GUCY1A2: variants seen among roughly 807,000 people sequenced by gnomAD.
GUCY1A2 encodes guanylate cyclase 1 soluble subunit alpha 2, also known as guanylate cyclase soluble subunit alpha-2.
Under a neutral mutation model 63.5 loss-of-function variants are expected in GUCY1A2, and 27 were observed. The ratio of observed to expected loss-of-function variants is 0.43; its 90% confidence interval spans 0.31 to 0.59. The LOEUF (loss-of-function observed/expected upper bound fraction) is 0.59. GUCY1A2 is among the 20% of genes least tolerant of loss of function. GUCY1A2 has a pLI of 0.11. For synonymous variants in GUCY1A2, 364 were observed against 343.5 expected, an observed-to-expected ratio of 1.06 and a Z score of -0.66; for missense variants, 768 against 913.3, an observed-to-expected ratio of 0.84 and a Z score of 2.05.
At chr11:106,736,304 G>A (rs181520162) in intron 6 of GUCY1A2, among the ~76,000 whole-genome samples, 2 of 152,194 alleles carry the variant, frequency 1.3e-5, no homozygotes, top group East Asian at 3.9e-4. Flanking sequence ...TTGATTTGAT[G>A]TGCCTATGGT....
intron 3 of GUCY1A2, among the ~76,000 whole-genome samples, chr11:106,970,647 G>C (rs1012037531): frequency 6.6e-6 from 1 of 152,102 alleles, no homozygotes; most frequent in Non-Finnish European, 1.5e-5. Flanking sequence ...AAGGCAAATG[G>C]CTCAGCCACT....
intron 5 of GUCY1A2, among the ~76,000 whole-genome samples, chr11:106,777,825 A>ATAAT (rs1270864218): frequency 2.0e-5 from 3 of 152,160 alleles, no homozygotes; most frequent in African/African-American, 7.2e-5. Flanking sequence ...AACCTAAAGT[A>ATAAT]TAATTTTTAA....
At chr11:106,977,030 A>G (rs1266872327) in intron 3 of GUCY1A2, among the ~76,000 whole-genome samples, 3 of 152,186 alleles carry the variant, frequency 2.0e-5, no homozygotes, top group Non-Finnish European at 4.4e-5. Context: ...TATAATCATT[A>G]TCTTTGAACA....
At chr11:107,014,245 T>C (rs1209836769) in intron 1 of GUCY1A2, among the ~76,000 whole-genome samples, 1 of 152,118 alleles carries the variant, frequency 6.6e-6, no homozygotes, top group East Asian at 1.9e-4. Flanking sequence ...CACGCCACCA[T>C]GCCCAGCTAA....
chr11:106,944,353 G>A (rs1860797609), intron 3 of GUCY1A2, among the ~76,000 whole-genome samples: 1 of 151,992 alleles, frequency 6.6e-6, no homozygotes, highest in Admixed American at 6.6e-5. Flanking sequence ...GGCTGAGGTG[G>A]GAGAATCACC....
intron 6 of GUCY1A2, among the ~76,000 whole-genome samples, chr11:106,765,331 C>T (rs769300196): frequency 1.1e-4 from 16 of 151,998 alleles, no homozygotes; most frequent in Non-Finnish European, 5.9e-5. Context: ...TTCCTAAAAG[C>T]CTAACCCAAA....
intron 4 of GUCY1A2, among the ~76,000 whole-genome samples, chr11:106,896,329 A>G (rs903675440): frequency 2.6e-5 from 4 of 152,134 alleles, no homozygotes; most frequent in African/African-American, 9.6e-5. Flanking sequence ...TTAATAAAGA[A>G]TATCTACAAA....
At chr11:106,716,619 A>G (rs1215975302) in intron 6 of GUCY1A2, among the ~76,000 whole-genome samples, 2 of 151,942 alleles carry the variant, frequency 1.3e-5, no homozygotes, top group African/African-American at 4.8e-5. Context: ...TAGCAAAAAA[A>G]TTAGCTGAGC....
intron 4 of GUCY1A2, among the ~76,000 whole-genome samples, chr11:106,888,139 A>T (rs1252630819): frequency 1.3e-5 from 2 of 152,122 alleles, no homozygotes; most frequent in Admixed American, 1.3e-4. Context: ...TGTCTAAAAA[A>T]GTATTTTAAG....
At chr11:106,982,429 A>T (rs916199825) in intron 2 of GUCY1A2, among the ~76,000 whole-genome samples, 3 of 152,148 alleles carry the variant, frequency 2.0e-5, no homozygotes, top group Non-Finnish European at 4.4e-5. Flanking sequence ...AGCAACTAAC[A>T]TAAAGATGCA....
chr11:106,773,151 G>A (rs1372085393), intron 6 of GUCY1A2, among the ~76,000 whole-genome samples: 2 of 150,332 alleles, frequency 1.3e-5, no homozygotes, highest in Non-Finnish European at 2.9e-5. Flanking sequence ...TTCCCTCAGA[G>A]ATAAGCACCA....
At chr11:106,931,998 G>A (rs1860609344) in intron 4 of GUCY1A2, among the ~76,000 whole-genome samples, 1 of 151,786 alleles carries the variant, frequency 6.6e-6, no homozygotes, top group Non-Finnish European at 1.5e-5. Flanking sequence ...AAAATGAAGA[G>A]GTAGACAACA....
chr11:106,780,017 A>G (rs1290064377), intron 5 of GUCY1A2, among the ~76,000 whole-genome samples: 1 of 152,126 alleles, frequency 6.6e-6, no homozygotes, highest in East Asian at 1.9e-4. Context: ...CAATCTTTAC[A>G]AAAATAAAAA....
At chr11:106,737,830 G>T (rs901122262) in intron 6 of GUCY1A2, among the ~76,000 whole-genome samples, 1 of 152,108 alleles carries the variant, frequency 6.6e-6, no homozygotes, top group Non-Finnish European at 1.5e-5. Flanking sequence ...CCAAGACTTT[G>T]CTATTGTGAA....
intron 6 of GUCY1A2, among the ~76,000 whole-genome samples, chr11:106,715,202 TA>T (rs1239280996): frequency 1.3e-5 from 2 of 152,014 alleles, no homozygotes; most frequent in Admixed American, 1.3e-4. Flanking sequence ...ACAACTGCAT[TA>T]AAAAAAATTC....
chr11:106,753,265 T>C (rs1385887370), intron 6 of GUCY1A2, among the ~76,000 whole-genome samples: 1 of 152,224 alleles, frequency 6.6e-6, no homozygotes, highest in Non-Finnish European at 1.5e-5. Context: ...TTCTGGATAT[T>C]AGCCCTTTGT....
intron 3 of GUCY1A2, among the ~76,000 whole-genome samples, chr11:106,946,337 G>A (rs1260300315): frequency 6.6e-6 from 1 of 152,032 alleles, no homozygotes; most frequent in Non-Finnish European, 1.5e-5. Flanking sequence ...ATGTCAACAT[G>A]ATCAAAACAG....
chr11:106,687,229 T>C lies in GUCY1A2; in HGVS notation c.*320A>G. ...ATATATAGGGAAAGATACTTGTATGTGTGATAAACAAGAAAACATGGAATC... is the reference window on the plus strand; with the variant it reads ...ATATATAGGGAAAGATACTTGTATGCGTGATAAACAAGAAAACATGGAATC... On this transcript the variant is annotated 3_prime_UTR_variant, in exon 8 of 8. Transcript: ENST00000526355. The C allele has an allele frequency of 3.5e-6, 1 of 289,776 alleles. No individual in the cohort carries two copies. Among genetic ancestry groups the C allele is most frequent in the Non-Finnish European group, 6.5e-6 (1 of 153,950 alleles). 18.0% of individuals were successfully genotyped at this position (289,776 alleles called of 1,614,324 possible).
chr11:106,862,202 A>T (rs1859522354), intron 4 of GUCY1A2, among the ~76,000 whole-genome samples: 1 of 152,046 alleles, frequency 6.6e-6, no homozygotes. Flanking sequence ...TTGAGGTCAC[A>T]GAAGATCTGT....
Sources: gnomAD v4.1 joint callset for allele counts (sites outside exome capture counted in the v4.1 genomes callset) on GRCh38, gnomAD v4.1.1 for gene constraint, MANE v1.5 for transcripts, NCBI Gene and HGNC (gene_info 2026-07-23, HGNC 2026-07-21) for gene names.